Variants in ADGRF5 observed in about 807,000 individuals in gnomAD.
ADGRF5 encodes the protein G-protein coupled receptor 116.
A neutral mutation model predicts 132.3 loss-of-function variants in ADGRF5; 75 were observed. The ratio of observed to expected loss-of-function variants is 0.57; its 90% confidence interval spans 0.47 to 0.69. The LOEUF is 0.69. ADGRF5 is among the 30% of genes least tolerant of loss of function. The pLI, the probability that ADGRF5 is intolerant of heterozygous loss-of-function variation, is 0.00. For missense variants in ADGRF5, 1,516 were observed against 1,630.6 expected (o/e 0.93, Z 1.21); for synonymous variants, 629 against 597.6 (o/e 1.05, Z -0.77).
chr6:46,862,890 T>C lies in ADGRF5; in HGVS notation c.2197A>G (p.Lys733Glu), dbSNP rs769032562. ...AGAGTGGAAGCTTTAAGGATCACCT[T>C]AGCCATCTGGAGCAGACTGTTTATT... ...APINSLLQMA[K>E]ALIKSPSQDE... The change falls in exon 15 of 21, where the codon AAG becomes GAG. Residue 733 changes from lysine to glutamate, a missense_variant and splice_region_variant. Physicochemically the swap from Lys to Glu is moderately conservative, Grantham distance 56. Transcript: ENST00000283296. 6.2e-7 allele frequency: 1 copy of C among 1,603,316 alleles called. No individual in the cohort carries two copies. Among genetic ancestry groups the C allele is most frequent in the Non-Finnish European group, 8.5e-7 (1 of 1,170,928 alleles).
At chr6:46,930,750 A>G (rs1777517867) in intron 1 of ADGRF5, among the ~76,000 whole-genome samples, 1 of 152,162 alleles carries the variant, frequency 6.6e-6, no homozygotes, top group Non-Finnish European at 1.5e-5. Context: ...ACTGGAAAAC[A>G]GTCAATTAAA....
intron 7 of ADGRF5, 86 bp downstream of exon 7, chr6:46,881,963 T>A (rs1772522283): frequency 2.0e-6 from 2 of 990,630 alleles, no homozygotes; most frequent in Admixed American, 3.4e-5. Context: ...TCCACATGAA[T>A]AATGCCTCTC....
Position 46,953,595 on chromosome 6 carries a change from C to A in ADGRF5, c.-25+1139G>T, listed in dbSNP as rs545900495. On this transcript the variant is annotated intron_variant, in intron 1 of 20. Coordinates refer to the ADGRF5 transcript ENST00000265417. ...TTGCACCACTGTACTCCAGGCTGGG[C>A]GACAGAGTGAGACACAGTCTCAGAA... Among the ~76,000 whole-genome samples, 35 of 132,468 alleles carry A rather than the reference C, an allele frequency of 2.6e-4. No individual in the cohort carries two copies. The East Asian group carries it at 3.1e-3, about 12-fold the overall frequency. 86.9% of individuals were successfully genotyped at this position (132,468 alleles called of 152,430 possible).
chr6:46,925,823 C>T (rs1253219971), upstream of ADGRF5, among the ~76,000 whole-genome samples: 1 of 152,210 alleles, frequency 6.6e-6, no homozygotes, highest in Non-Finnish European at 1.5e-5. Context: ...TTATTAACGC[C>T]ACAGCCCTGG....
chr6:46,884,927 G>A (rs954320969), intron 4 of ADGRF5, among the ~76,000 whole-genome samples: 2 of 152,118 alleles, frequency 1.3e-5, no homozygotes, highest in South Asian at 4.1e-4. Flanking sequence ...TACAGGCCAG[G>A]CACAGTGGCT....
Position 46,870,822 on chromosome 6 carries a change from T to C in ADGRF5, c.1411+1021A>G, listed in dbSNP as rs552393944. 9.1e-6 allele frequency: 4 copies of C among 438,216 alleles called. 1 individual carries two copies. Among genetic ancestry groups the C allele is most frequent in the African/African-American group, 8.1e-5 (4 of 49,176 alleles). 27.1% of individuals were successfully genotyped at this position (438,216 alleles called of 1,614,324 possible). A position where few individuals can be genotyped will look rare whatever the true frequency, so the allele number is the denominator to read the frequency against. On this transcript the variant is annotated intron_variant, in intron 11 of 20. Transcript: ENST00000283296. The stretch of plus-strand genomic sequence containing the variant: ...AATTTGGAGAATGATTAGTTTTACC[T>C]GAAAGCATTATTTCGCTAGAAGAGC...
At chr6:46,872,056 C>T (rs777590692) in intron 10 of ADGRF5, 43 bp from the exon 11 acceptor site, 11 of 1,427,774 alleles carry the variant, frequency 7.7e-6, no homozygotes, top group South Asian at 1.3e-5. Context: ...CTGGCTAACT[C>T]TTTTATTTAG....
chr6:46,878,239 T>C lies in ADGRF5; in HGVS notation c.1203A>G (p.Lys401=). The C allele has an allele frequency of 6.2e-7, 1 of 1,613,384 alleles. No homozygotes were observed. The highest frequency in any genetic ancestry group is 1.3e-5 in the African/African-American group (1 of 75,036). The change falls in exon 10 of 21, where the codon AAA becomes AAG. Residue 401 remains lysine (K), a synonymous_variant. Transcript: ENST00000283296. The stretch of plus-strand genomic sequence containing the variant: ...TTTTTCCTTCCTGCTTCCATTCTAC[T>C]TTGCTCCAATTAACATTACCCTGAC... ...CCSQGNVNWS[K]VEWKQEGKIN...
chr6:46,940,147 T>C (rs1272208400), intron 1 of ADGRF5, among the ~76,000 whole-genome samples: 1 of 152,226 alleles, frequency 6.6e-6, no homozygotes, highest in East Asian at 1.9e-4. Context: ...TATGTGAGAT[T>C]CTGCAGGACT....
At chr6:46,920,533 G>GC (rs35285763) in intron 1 of ADGRF5, among the ~76,000 whole-genome samples, 1 of 135,300 alleles carries the variant, frequency 7.4e-6, no homozygotes, top group Non-Finnish European at 1.6e-5. Context: ...ATTTGGGGGG[G>GC]GGGAAGAGAG....
chr6:46,942,708 A>G (rs980872036), intron 1 of ADGRF5, among the ~76,000 whole-genome samples: 8 of 152,074 alleles, frequency 5.3e-5, no homozygotes, highest in African/African-American at 1.7e-4. Flanking sequence ...TAGTCTCTCT[A>G]TTTCTCTTTC....
chr6:46,895,761 G>A (rs949255554), intron 3 of ADGRF5, among the ~76,000 whole-genome samples: 2 of 151,650 alleles, frequency 1.3e-5, no homozygotes, highest in Non-Finnish European at 1.5e-5. Context: ...CTGGAGTGGA[G>A]AACTTGGCCA....
chr6:46,888,407 T>C lies in ADGRF5; in HGVS notation c.256A>G (p.Ser86Gly). 6.2e-7 allele frequency: 1 copy of C among 1,610,932 alleles called. No individual in the cohort carries two copies. Among genetic ancestry groups the C allele is most frequent in the Non-Finnish European group, 8.5e-7 (1 of 1,177,044 alleles). Residue 86 changes from serine (S) to glycine (G), a missense_variant, in exon 4 of 21, where the codon AGC becomes GGC. Ser to Gly is a moderately conservative substitution (Grantham distance 56). Around this residue, in one of 2 missense-constraint regions of ADGRF5, gnomAD observed 945 missense variants for 929.4 expected, o/e 1.02. Coordinates refer to ENST00000283296, the MANE Select transcript of ADGRF5 (RefSeq NM_001098518.2). ...TTCCCATGAATTGGAAAACTGAGGC[T>C]GTTCAAGTAGGCTTTGATAGGATCC... ...FLDPIKAYLN[S>G]LSFPIHGNNT...
chr6:46,901,269 G>A (rs1774736403), intron 2 of ADGRF5, among the ~76,000 whole-genome samples: 1 of 152,066 alleles, frequency 6.6e-6, no homozygotes, highest in South Asian at 2.1e-4. Context: ...GGATTTCCTA[G>A]CTGATCCCTG....
At chr6:46,899,914 A>G (rs553140673) in intron 3 of ADGRF5, 115 bp downstream of exon 3, 3 of 755,668 alleles carry the variant, frequency 4.0e-6, no homozygotes, top group Non-Finnish European at 7.2e-6. Flanking sequence ...ACTGCACTAT[A>G]TGACCCTGAT....
chr6:46,922,917 C>T (rs1777053884), upstream of ADGRF5, among the ~76,000 whole-genome samples: 1 of 152,114 alleles, frequency 6.6e-6, no homozygotes, highest in African/African-American at 2.4e-5. Flanking sequence ...TTACTTGACC[C>T]TATTGAGATT....
At chr6:46,893,946 T>G (rs190139196) in intron 3 of ADGRF5, among the ~76,000 whole-genome samples, 1 of 152,234 alleles carries the variant, frequency 6.6e-6, no homozygotes, top group African/African-American at 2.4e-5. Context: ...TATTTAGGTC[T>G]TAATCACAGC....
chr6:46,860,506 G>T (rs1403257417), intron 16 of ADGRF5, among the ~76,000 whole-genome samples: 2 of 152,120 alleles, frequency 1.3e-5, no homozygotes, highest in Admixed American at 6.5e-5. Context: ...ATAAAGCAGA[G>T]ATTCACTAAT....
At chr6:46,891,313 T>A (rs1773616624) in intron 3 of ADGRF5, among the ~76,000 whole-genome samples, 1 of 152,252 alleles carries the variant, frequency 6.6e-6, no homozygotes, top group Non-Finnish European at 1.5e-5. Flanking sequence ...TCTTATTTTA[T>A]GTGATTCTAA....
Sources: gnomAD v4.1 joint callset for allele counts (sites outside exome capture counted in the v4.1 genomes callset) on GRCh38, gnomAD v4.1.1 for gene constraint, gnomAD v4.1.1 regional missense constraint, MANE v1.5 for transcripts, NCBI Gene and HGNC (gene_info 2026-07-23, HGNC 2026-07-21) for gene names.